The following TEX15 variants were observed in gnomAD, a reference collection of about 807,000 sequenced individuals.
TEX15 encodes the protein testis-expressed protein 15.
In TEX15, 171 loss-of-function variants were observed where a neutral mutation model predicts 237.3. That is an observed-to-expected ratio of 0.72 (90% CI 0.64 to 0.82). TEX15 has a LOEUF of 0.82. Ranked by LOEUF, TEX15 falls within the 40% of genes least tolerant of loss-of-function variation. The pLI, the probability that TEX15 is intolerant of heterozygous loss-of-function variation, is 0.00. For synonymous variants in TEX15, 1,338 were observed against 1,269.8 expected, an observed-to-expected ratio of 1.05 and a Z score of -1.14; for missense variants, 3,750 against 3,646.5, an observed-to-expected ratio of 1.03 and a Z score of -0.73.
chr8:30,851,275 G>C (rs1271995254), intron 7 of TEX15, among the ~76,000 whole-genome samples: 1 of 152,200 alleles, frequency 6.6e-6, no homozygotes, highest in Non-Finnish European at 1.5e-5. Context: ...ATTACTATGA[G>C]CATACGTTAT....
intron 4 of TEX15, among the ~76,000 whole-genome samples, chr8:30,868,771 A>G (rs1808228259): frequency 9.2e-5 from 14 of 151,938 alleles, no homozygotes; most frequent in Admixed American, 9.2e-4. Flanking sequence ...TAAAAGTAAC[A>G]TTTGAAGGTA....
chr8:30,849,619 G>GGGGCT (rs1172639042), intron 7 of TEX15, among the ~76,000 whole-genome samples: 1 of 152,060 alleles, frequency 6.6e-6, no homozygotes, highest in Non-Finnish European at 1.5e-5. Flanking sequence ...AAACTAAATA[G>GGGGCT]GGGCTGGGCA....
Position 30,843,104 on chromosome 8 carries a change from C to A in TEX15, c.7063G>T (p.Glu2355Ter). 1 of 1,613,216 alleles carries A rather than the reference C, an allele frequency of 6.2e-7. No homozygotes were observed. The highest frequency in any genetic ancestry group is 8.5e-7 in the Non-Finnish European group (1 of 1,179,580). ...AAATTACTGTTAAATTTAGAATTTT[C>A]TATGCTAATTGTTGCTTCGTTTATT... ...HPINEATISIENSKFNSNLLA... is the reference protein window; with the variant it reads ...HPINEATISI The change falls in exon 8 of 11, where the codon GAA (glutamate) becomes TAA (stop). Residue 2355 changes from glutamate (E) to a stop codon, truncating the protein, a stop_gained. Coordinates refer to ENST00000643185, the MANE Select transcript of TEX15 (RefSeq NM_001350162.2). LOFTEE classifies it high-confidence loss of function.
At chr8:30,864,339 C>T (rs936297147) in intron 5 of TEX15, among the ~76,000 whole-genome samples, 3 of 148,828 alleles carry the variant, frequency 2.0e-5, no homozygotes, top group South Asian at 2.1e-4. Flanking sequence ...CACCATCAAG[C>T]GTAAGAACAT....
intron 7 of TEX15, among the ~76,000 whole-genome samples, chr8:30,855,776 G>A (rs1282536613): frequency 6.6e-6 from 1 of 152,112 alleles, no homozygotes; most frequent in Non-Finnish European, 1.5e-5. Context: ...ACTGATACAT[G>A]CTACAACATG....
intron 7 of TEX15, among the ~76,000 whole-genome samples, chr8:30,852,801 A>G (rs1807817146): frequency 6.6e-6 from 1 of 152,232 alleles, no homozygotes; most frequent in Admixed American, 6.5e-5. Context: ...AATAAAGTAC[A>G]CTACCAAATA....
chr8:30,840,984 T>C (rs567553423), intron 8 of TEX15, among the ~76,000 whole-genome samples: 54 of 152,334 alleles, frequency 3.5e-4, no homozygotes, highest in African/African-American at 1.2e-3. Flanking sequence ...AGTGGTGTAA[T>C]CCTGGCTCAC....
chr8:30,847,019 A>C lies in TEX15; in HGVS notation c.3148T>G (p.Leu1050Val). 6.2e-7 allele frequency: 1 copy of C among 1,613,038 alleles called. No homozygotes were observed. The highest frequency in any genetic ancestry group is 8.5e-7 in the Non-Finnish European group (1 of 1,179,236). ...ESFHQSINENLVLQSIELESE... is the reference protein window; with the variant it reads ...ESFHQSINENVVLQSIELESE... ...TCCAATTCAATGCTCTGAAGAACTA[A>C]GTTCTCATTTATTGATTGATGAAAT... Residue 1050 changes from leucine (L) to valine (V), a missense_variant, in exon 8 of 11, where the codon TTA becomes GTA. Leu to Val is a conservative substitution (Grantham distance 32). Coordinates refer to ENST00000643185, the MANE Select transcript of TEX15 (RefSeq NM_001350162.2).
At chr8:30,891,829 G>A (rs1808801040) in intron 2 of TEX15, among the ~76,000 whole-genome samples, 1 of 152,152 alleles carries the variant, frequency 6.6e-6, no homozygotes, top group Non-Finnish European at 1.5e-5. Flanking sequence ...CCACATCTGT[G>A]AAATACCCAT....
chr8:30,889,936 T>TATATATATATATAC (rs1554502280), intron 2 of TEX15, among the ~76,000 whole-genome samples: 10 of 124,992 alleles, frequency 8.0e-5, no homozygotes, highest in South Asian at 2.3e-4. Context: ...GTTATATACA[T>TATATATATATATAC]ATATATATAT....
In TEX15 at chr8:30,837,305, C is replaced by T; in HGVS notation, c.8979G>A (p.Glu2993=). The part of the protein sequence containing the change: ...HITLNVNQGA[E]YSLSEQQNDK... ...CATTCTGTTGTTCAGAAAGAGAGTA[C>T]TCTGCTCCTTGATTCACATTAAGGG... Residue 2993 remains glutamate, a synonymous_variant, in exon 10 of 11, where the codon GAG becomes GAA. Transcript: ENST00000643185. 6.2e-7 allele frequency: 1 copy of T among 1,614,184 alleles called. No individual in the cohort carries two copies. The highest frequency in any genetic ancestry group is 1.3e-5 in the African/African-American group (1 of 75,050).
intron 9 of TEX15, among the ~76,000 whole-genome samples, chr8:30,839,024 C>T (rs1435913149): frequency 6.6e-6 from 1 of 151,866 alleles, no homozygotes; most frequent in Non-Finnish European, 1.5e-5. Context: ...CCATGTTGGT[C>T]AGGCTGATCT....
At chr8:30,852,262 C>G (rs1195240210) in intron 7 of TEX15, among the ~76,000 whole-genome samples, 5 of 151,712 alleles carry the variant, frequency 3.3e-5, no homozygotes, top group Non-Finnish European at 5.9e-5. Flanking sequence ...TCCGCCACCA[C>G]GCCTGGCTAA....
At chr8:30,858,110 T>C (rs1481810270) in intron 7 of TEX15, among the ~76,000 whole-genome samples, 1 of 152,166 alleles carries the variant, frequency 6.6e-6, no homozygotes, top group Non-Finnish European at 1.5e-5. Context: ...AGTAGGATAG[T>C]GTACAGTGTG....
chr8:30,858,309 TTTTC>T (rs1366619662), intron 7 of TEX15, among the ~76,000 whole-genome samples: 2 of 151,982 alleles, frequency 1.3e-5, no homozygotes, highest in Admixed American at 6.6e-5. Context: ...TTTTTTATCT[TTTTC>T]TTTTTTTTTT....
At chr8:30,894,313 A>G (rs1027205954) in intron 2 of TEX15, among the ~76,000 whole-genome samples, 1 of 152,180 alleles carries the variant, frequency 6.6e-6, no homozygotes, top group African/African-American at 2.4e-5. Flanking sequence ...GTAGCAAGAA[A>G]AAAAATTCTG....
At chr8:30,849,383 A>T in intron 7 of TEX15, 67 bp from the exon 8 acceptor site, 3 of 843,220 alleles carry the variant, frequency 3.6e-6, no homozygotes, top group Non-Finnish European at 3.5e-6. Context: ...TAATACAGGT[A>T]CATTGTGTCC....
intron 7 of TEX15, among the ~76,000 whole-genome samples, chr8:30,853,909 G>T (rs1807842854): frequency 1.3e-5 from 2 of 151,762 alleles, no homozygotes. Context: ...AAAAACCAAT[G>T]AATTAAAGAA....
chr8:30,909,523 G>A (rs1247611506), intron 1 of TEX15, among the ~76,000 whole-genome samples: 1 of 151,690 alleles, frequency 6.6e-6, no homozygotes, highest in Non-Finnish European at 1.5e-5. Context: ...CCAGACTTCG[G>A]GGACTATCCT....
Sources: gnomAD v4.1 joint callset for allele counts (sites outside exome capture counted in the v4.1 genomes callset) on GRCh38, gnomAD v4.1.1 for gene constraint, MANE v1.5 for transcripts, NCBI Gene and HGNC (gene_info 2026-07-23, HGNC 2026-07-21) for gene names.